Variants in ERBB4 observed in about 807,000 individuals in gnomAD.
ERBB4 encodes erb-b2 receptor tyrosine kinase 4, also known as receptor tyrosine-protein kinase erbB-4.
ERBB4 carries 42 observed loss-of-function variants against 158.0 expected under a neutral mutation model. The ratio of observed to expected loss-of-function variants is 0.27; its 90% CI spans 0.21 to 0.34. The LOEUF (loss-of-function observed/expected upper bound fraction) is 0.34. ERBB4 is among the 10% of genes least tolerant of loss of function. ERBB4 has a pLI of 1.00. For missense variants in ERBB4, 1,333 were observed against 1,624.1 expected, an observed-to-expected ratio of 0.82 and a Z score of 3.08; for synonymous variants, 583 against 558.7, an observed-to-expected ratio of 1.04 and a Z score of -0.61.
At chr2:212,049,844 C>A (rs575071785) in intron 2 of ERBB4, among the ~76,000 whole-genome samples, 2 of 152,260 alleles carry the variant, frequency 1.3e-5, no homozygotes, top group South Asian at 4.2e-4. Flanking sequence ...AACGATTCCA[C>A]CATAATTTGC....
chr2:212,467,320 A>G (rs1275850791), intron 1 of ERBB4, among the ~76,000 whole-genome samples: 2 of 152,202 alleles, frequency 1.3e-5, no homozygotes, highest in African/African-American at 4.8e-5. Flanking sequence ...AGACCTCTGC[A>G]GCAGCCCCTT....
In ERBB4 at chr2:212,475,481, C is replaced by T. The variant is rs1689340534; in HGVS notation, c.82+62968G>A. 2.0e-5 allele frequency among the ~76,000 whole-genome samples: 3 copies of T among 152,260 alleles called. No homozygotes were observed. In the South Asian group the frequency reaches 6.2e-4, roughly 32 times the overall value. ...GAATGTTCCATTTGCTGATCAAATC[C>T]TCAAATACACATTTCTGGTGCCACC... On this transcript the variant is annotated intron_variant, in intron 1 of 27. Transcript: ENST00000342788.
At chr2:212,003,215 A>C (rs765737653) in intron 2 of ERBB4, among the ~76,000 whole-genome samples, 6,226 of 46,534 alleles carry the variant, frequency 0.13, 635 homozygotes, top group African/African-American at 0.16. Flanking sequence ...GACAGAAAGA[A>C]GGAAGGAAGG....
At chr2:212,407,501 C>T (rs1200186717) in intron 1 of ERBB4, among the ~76,000 whole-genome samples, 1 of 151,990 alleles carries the variant, frequency 6.6e-6, no homozygotes, top group Non-Finnish European at 1.5e-5. Flanking sequence ...GGTTTGATCC[C>T]AAGCACTCTG....
rs577643469 is a variant in ERBB4, at chr2:212,310,541, C to T, written c.83-185638G>A. ...TGAGATTTCAATTTACTTTGTCTGGCAGCTGTTCCCTAAGTAATTTTGCGT... is the reference window on the plus strand; with the variant it reads ...TGAGATTTCAATTTACTTTGTCTGGTAGCTGTTCCCTAAGTAATTTTGCGT... On this transcript the variant is annotated intron_variant, in intron 1 of 27. Coordinates refer to ENST00000342788, the MANE Select transcript of ERBB4 (RefSeq NM_005235.3). 7.3e-5 allele frequency among the ~76,000 whole-genome samples: 11 copies of T among 150,322 alleles called. No homozygotes were observed. In the East Asian group the frequency reaches 2.2e-3, roughly 30 times the overall value.
chr2:212,112,166 A>G (rs2079430637), intron 2 of ERBB4, among the ~76,000 whole-genome samples: 1 of 152,154 alleles, frequency 6.6e-6, no homozygotes, highest in Non-Finnish European at 1.5e-5. Flanking sequence ...GTAGGAGCAC[A>G]GGCAGATCTT....
At chr2:211,902,979 C>T (rs1405084658) in intron 3 of ERBB4, among the ~76,000 whole-genome samples, 2 of 151,926 alleles carry the variant, frequency 1.3e-5, no homozygotes, top group Admixed American at 1.3e-4. Context: ...AATCTATATG[C>T]CATTGTTTCA....
intron 2 of ERBB4, among the ~76,000 whole-genome samples, chr2:212,098,807 G>A (rs919109031): frequency 2.0e-5 from 3 of 152,094 alleles, no homozygotes; most frequent in African/African-American, 4.8e-5. Flanking sequence ...GCTTACTCTT[G>A]TAAGATTGGT....
At chr2:212,147,772 C>T (rs2080731544) in intron 1 of ERBB4, among the ~76,000 whole-genome samples, 1 of 152,078 alleles carries the variant, frequency 6.6e-6, no homozygotes, top group African/African-American at 2.4e-5. Flanking sequence ...TTTTGTTTTG[C>T]TGTCATTATC....
rs112846984 is a variant in ERBB4, at chr2:211,893,252, A to G, written c.421+54178T>C. 3.6e-3 allele frequency among the ~76,000 whole-genome samples: 517 copies of G among 142,408 alleles called. 37 individuals are homozygous for G. The highest frequency in any genetic ancestry group is 0.012 in the African/African-American group (414 of 35,420). The allele number at this position is 142,408 out of a possible 152,430, so 93.4% of individuals were successfully genotyped here. On this transcript the variant is annotated intron_variant, in intron 3 of 27. Coordinates refer to ENST00000342788, the MANE Select transcript of ERBB4 (RefSeq NM_005235.3). ...ACAGAACAGAGCCCTCAGAAATAAC[A>G]CCGCATATCTACAACTATCTGATCT... is the stretch of plus-strand genomic sequence containing the variant.
At chr2:212,422,500 A>C (rs2091817292) in intron 1 of ERBB4, among the ~76,000 whole-genome samples, 1 of 148,556 alleles carries the variant, frequency 6.7e-6, no homozygotes, top group Admixed American at 6.7e-5. Flanking sequence ...TTGGACTCAA[A>C]ACACACACAC....
At chr2:212,393,645 T>G (rs2090943029) in intron 1 of ERBB4, among the ~76,000 whole-genome samples, 1 of 152,052 alleles carries the variant, frequency 6.6e-6, no homozygotes, top group Non-Finnish European at 1.5e-5. Flanking sequence ...AGGTAAATAC[T>G]TTTTCCAGGA....
At position 212,438,755 on chromosome 2, in the gene ERBB4, G is replaced by A. The variant is rs73079455; in HGVS notation, c.82+99694C>T. Among the ~76,000 whole-genome samples the A allele has an allele frequency of 7.6e-3, 1,151 of 152,160 alleles. 11 individuals carry two copies. Among genetic ancestry groups the A allele is most frequent in the African/African-American group, 0.025 (1,046 of 41,536 alleles). On this transcript the variant is annotated intron_variant, in intron 1 of 27. Coordinates refer to ENST00000342788, the MANE Select transcript of ERBB4 (RefSeq NM_005235.3). ...TTCAATCAAAATTACAATTTGGTAAGATGGTGGTTTTGGAGAAGGGATGAA... is the reference window on the plus strand; with the variant it reads ...TTCAATCAAAATTACAATTTGGTAAAATGGTGGTTTTGGAGAAGGGATGAA...
chr2:212,052,791 T>C (rs1008955538), intron 2 of ERBB4, among the ~76,000 whole-genome samples: 3 of 152,180 alleles, frequency 2.0e-5, no homozygotes, highest in African/African-American at 7.2e-5. Context: ...TACCCCTCCC[T>C]AATTTCTTTC....
chr2:211,890,172 T>A (rs2078924712), intron 3 of ERBB4, among the ~76,000 whole-genome samples: 3 of 81,030 alleles, frequency 3.7e-5, no homozygotes, highest in African/African-American at 1.1e-4. Flanking sequence ...CGGGTTACCC[T>A]CAAAGGGAAG....
chr2:212,536,707 C>G (rs1693087385), intron 1 of ERBB4, among the ~76,000 whole-genome samples: 1 of 152,180 alleles, frequency 6.6e-6, no homozygotes, highest in Admixed American at 6.5e-5. Context: ...CGGCATAGCT[C>G]AACTCGGAGC....
intron 26 of ERBB4, 113 bp downstream of exon 26, chr2:211,387,832 T>G (rs1327925509): frequency 1.2e-6 from 1 of 832,066 alleles, no homozygotes; most frequent in Non-Finnish European, 2.1e-6. Context: ...ACCAAATTCT[T>G]AACTCACTGT....
chr2:211,990,814 A>G (rs1367690673), intron 2 of ERBB4, among the ~76,000 whole-genome samples: 3 of 151,912 alleles, frequency 2.0e-5, no homozygotes, highest in Non-Finnish European at 4.4e-5. Flanking sequence ...TAAAAATGAG[A>G]CAGTGACTCA....
rs1247390920 is a variant in ERBB4 at position 212,446,613 on chromosome 2, A to G, written c.82+91836T>C. 1.6e-3 allele frequency among the ~76,000 whole-genome samples: 72 copies of G among 44,000 alleles called. 2 individuals carry two copies. Among genetic ancestry groups the G allele is most frequent in the Middle Eastern group, 8.6e-3 (1 of 116 alleles). The allele number at this position is 44,000 out of a possible 152,430, so 28.9% of individuals were successfully genotyped here. ...TATGTATATATATATATATATATAT[A>G]TATATATATATATATATATATATAT... On this transcript the variant is annotated intron_variant, in intron 1 of 27. Coordinates refer to ENST00000342788, the MANE Select transcript of ERBB4 (RefSeq NM_005235.3).
Sources: gnomAD v4.1 joint callset for allele counts (sites outside exome capture counted in the v4.1 genomes callset) on GRCh38, gnomAD v4.1.1 for gene constraint, MANE v1.5 for transcripts, NCBI Gene and HGNC (gene_info 2026-07-23, HGNC 2026-07-21) for gene names.